Variants in BCAR3 observed in about 807,000 individuals in gnomAD.
BCAR3 encodes breast cancer anti-estrogen resistance protein 3.
A neutral mutation model predicts 80.1 loss-of-function variants in BCAR3; 37 were observed. The observed-to-expected ratio is 0.46, with a 90% CI of 0.36 to 0.61. The LOEUF (loss-of-function observed/expected upper bound fraction) is 0.61. BCAR3 is among the 20% of genes least tolerant of loss of function. BCAR3 has a pLI of 0.00. For synonymous variants in BCAR3, 389 were observed against 418.9 expected, an observed-to-expected ratio of 0.93 and a Z score of 0.87; for missense variants, 978 against 1,068.2, an observed-to-expected ratio of 0.92 and a Z score of 1.18.
chr1:93,669,189 G>C lies in BCAR3; in HGVS notation c.317+5425C>G, dbSNP rs113600169. Among the ~76,000 whole-genome samples the C allele has an allele frequency of 2.2e-3, 328 of 152,288 alleles. 2 individuals carry two copies. Among genetic ancestry groups the C allele is most frequent in the Admixed American group, 5.4e-3 (82 of 15,306 alleles). On this transcript the variant is annotated intron_variant, in intron 2 of 11. Transcript: ENST00000260502. Reference sequence around the variant, plus strand: ...CTGAGCTAAAGGCTGGTGTATTTGCGTGTCTGAGGGAACATCTTGCTTTGT... The same window carrying C: ...CTGAGCTAAAGGCTGGTGTATTTGCCTGTCTGAGGGAACATCTTGCTTTGT...
At chr1:93,648,438 C>G (rs1023481827) in intron 2 of BCAR3, among the ~76,000 whole-genome samples, 3 of 152,102 alleles carry the variant, frequency 2.0e-5, no homozygotes, top group Non-Finnish European at 1.5e-5. Flanking sequence ...CGAGGTTTGA[C>G]TGAAATAGAG....
intron 2 of BCAR3, among the ~76,000 whole-genome samples, chr1:93,798,716 G>A (rs187600097): frequency 6.6e-5 from 10 of 152,146 alleles, no homozygotes; most frequent in East Asian, 3.9e-4. Flanking sequence ...GAGACACAAC[G>A]ACATAGCTTG....
chr1:93,746,023 CAG>C (rs1423559042), intron 2 of BCAR3, among the ~76,000 whole-genome samples: 6 of 152,186 alleles, frequency 3.9e-5, no homozygotes, highest in Non-Finnish European at 5.9e-5. Flanking sequence ...AAAGGTGAGA[CAG>C]AGGTCTTGGG....
chr1:93,689,740 T>C (rs978475049), intron 3 of BCAR3, among the ~76,000 whole-genome samples: 7 of 152,176 alleles, frequency 4.6e-5, no homozygotes, highest in African/African-American at 1.7e-4. Context: ...TGCTTCAGGC[T>C]ACCCTGGGGT....
At chr1:93,754,199 T>C (rs974602537) in intron 2 of BCAR3, 2 of 152,240 alleles carry the variant, frequency 1.3e-5, no homozygotes, top group Admixed American at 1.3e-4. Context: ...GATGAAATTC[T>C]GCCCTGTACT....
chr1:93,842,449 C>T (rs114591781), intron 2 of BCAR3, among the ~76,000 whole-genome samples: 41 of 152,262 alleles, frequency 2.7e-4, no homozygotes, highest in African/African-American at 9.4e-4. Flanking sequence ...ACCTACCACG[C>T]CTGGACTATC....
At chr1:93,623,237 T>C (rs1177411485) in intron 3 of BCAR3, among the ~76,000 whole-genome samples, 1 of 152,198 alleles carries the variant, frequency 6.6e-6, no homozygotes, top group Non-Finnish European at 1.5e-5. Flanking sequence ...ATTTTATATA[T>C]GTATCCTGAA....
intron 2 of BCAR3, among the ~76,000 whole-genome samples, chr1:93,787,354 T>G (rs540206885): frequency 6.6e-6 from 1 of 152,278 alleles, no homozygotes; most frequent in African/African-American, 2.4e-5. Context: ...TCTGCTGGGT[T>G]TGGGTTTGGT....
At chr1:93,705,701 C>T (rs1373498951) in intron 3 of BCAR3, among the ~76,000 whole-genome samples, 1 of 152,238 alleles carries the variant, frequency 6.6e-6, no homozygotes, top group East Asian at 1.9e-4. Flanking sequence ...GGCTGCCTTT[C>T]TTCACCACTG....
intron 2 of BCAR3, among the ~76,000 whole-genome samples, chr1:93,774,531 C>A (rs1387676196): frequency 6.6e-6 from 1 of 151,694 alleles, no homozygotes; most frequent in East Asian, 1.9e-4. Context: ...ACATTTTGAC[C>A]CTAGCCTTGA....
At chr1:93,616,517 G>A (rs1438869601) in intron 3 of BCAR3, among the ~76,000 whole-genome samples, 1 of 152,204 alleles carries the variant, frequency 6.6e-6, no homozygotes, top group Non-Finnish European at 1.5e-5. Context: ...CCAGACCTGT[G>A]TACCACTCAG....
Position 93,674,713 on chromosome 1 carries a change from A to T in BCAR3, c.218T>A (p.Leu73His), listed in dbSNP as rs762001108. ...SCDDFSHMGT[L>H]PHSKSPRQNS... ...CTGCCGTGGGGATTTGGAGTGGGGG[A>T]GGGTGCCCATGTGACTGAAGTCATC... The change falls in exon 2 of 12, where the codon CTC becomes CAC. Residue 73 changes from leucine to histidine, a missense_variant. Coordinates refer to ENST00000260502, the MANE Select transcript of BCAR3 (RefSeq NM_003567.4). 4.0e-5 allele frequency: 65 copies of T among 1,613,514 alleles called. No individual in the cohort carries two copies. Among genetic ancestry groups the T allele is most frequent in the Non-Finnish European group, 5.4e-5 (64 of 1,179,914 alleles).
chr1:93,655,457 C>CT (rs1187327872), intron 2 of BCAR3, among the ~76,000 whole-genome samples: 2 of 152,080 alleles, frequency 1.3e-5, no homozygotes, highest in African/African-American at 4.8e-5. Context: ...AAATGACTGG[C>CT]TTTGGTGAGT....
intron 2 of BCAR3, among the ~76,000 whole-genome samples, chr1:93,744,516 G>A (rs1651287176): frequency 6.6e-6 from 1 of 152,194 alleles, no homozygotes; most frequent in Non-Finnish European, 1.5e-5. Context: ...ATTGTATGAT[G>A]AAGAGGCTGG....
In BCAR3 at chr1:93,673,136, C is replaced by T. The variant is rs186544879; in HGVS notation, c.317+1478G>A. Among the ~76,000 whole-genome samples, 7 of 152,320 alleles carry T rather than the reference C, an allele frequency of 4.6e-5. No homozygotes were observed. The East Asian group carries it at 1.3e-3, about 29-fold the overall frequency. On this transcript the variant is annotated intron_variant, in intron 2 of 11. Transcript: ENST00000260502. ...GTTCATCCTACCAAAAACGTACCAC[C>T]TCCAATAAATCTCCAGCATATCACT... is the stretch of plus-strand genomic sequence containing the variant.
chr1:93,604,241 A>C (rs1351688602), intron 3 of BCAR3, among the ~76,000 whole-genome samples: 1 of 152,226 alleles, frequency 6.6e-6, no homozygotes, highest in Non-Finnish European at 1.5e-5. Context: ...GTGAGGATAC[A>C]AGGGGCAATC....
At chr1:93,710,194 G>A (rs1649972202) in intron 2 of BCAR3, among the ~76,000 whole-genome samples, 1 of 152,224 alleles carries the variant, frequency 6.6e-6, no homozygotes, top group Non-Finnish European at 1.5e-5. Context: ...TGATCAAGAA[G>A]TGGGCTCCCT....
At chr1:93,696,067 A>T (rs1251150842) in intron 3 of BCAR3, among the ~76,000 whole-genome samples, 3 of 148,356 alleles carry the variant, frequency 2.0e-5, no homozygotes, top group Admixed American at 2.0e-4. Flanking sequence ...TTGAGACAGG[A>T]TCTTGCTTTG....
intron 5 of BCAR3, among the ~76,000 whole-genome samples, chr1:93,588,366 G>A (rs919678006): frequency 6.6e-6 from 1 of 151,926 alleles, no homozygotes; most frequent in Non-Finnish European, 1.5e-5. Flanking sequence ...CCTGCAGCCG[G>A]GGCCCTCCAT....
Sources: gnomAD v4.1 joint callset for allele counts (sites outside exome capture counted in the v4.1 genomes callset) on GRCh38, gnomAD v4.1.1 for gene constraint, MANE v1.5 for transcripts, NCBI Gene and HGNC (gene_info 2026-07-23, HGNC 2026-07-21) for gene names.